ADAMTS12: variants seen among roughly 807,000 people sequenced by gnomAD.
The protein encoded by ADAMTS12 is ADAM metallopeptidase with thrombospondin type 1 motif 12, also known as A disintegrin and metalloproteinase with thrombospondin motifs 12.
Under a neutral mutation model 167.8 loss-of-function variants are expected in ADAMTS12, and 118 were observed. That is an observed-to-expected ratio of 0.70 (90% CI 0.61 to 0.82). The LOEUF is 0.82. Ranked by LOEUF, ADAMTS12 falls within the 40% of genes least tolerant of loss-of-function variation. ADAMTS12 has a pLI of 0.00. For missense variants in ADAMTS12, 1,916 were observed against 1,998.8 expected, an observed-to-expected ratio of 0.96 and a Z score of 0.79; for synonymous variants, 704 against 716.9, an observed-to-expected ratio of 0.98 and a Z score of 0.29.
chr5:33,705,684 C>A (rs1469403045), intron 3 of ADAMTS12, among the ~76,000 whole-genome samples: 1 of 150,850 alleles, frequency 6.6e-6, no homozygotes, highest in Non-Finnish European at 1.5e-5. Context: ...GTGCTGGGCA[C>A]CTGTAGTCCA....
chr5:33,609,693 A>G (rs1377812121), intron 16 of ADAMTS12, among the ~76,000 whole-genome samples: 1 of 152,226 alleles, frequency 6.6e-6, no homozygotes, highest in African/African-American at 2.4e-5. Context: ...AACAAAGTTT[A>G]AAAGACAAGG....
At chr5:33,743,893 T>C (rs751456340) in intron 3 of ADAMTS12, among the ~76,000 whole-genome samples, 1 of 152,162 alleles carries the variant, frequency 6.6e-6, no homozygotes, top group Non-Finnish European at 1.5e-5. Flanking sequence ...CATTCCTCTT[T>C]AGGAGTGAGG....
At chr5:33,737,602 T>C (rs1744418115) in intron 3 of ADAMTS12, among the ~76,000 whole-genome samples, 1 of 152,206 alleles carries the variant, frequency 6.6e-6, no homozygotes, top group South Asian at 2.1e-4. Flanking sequence ...TTTAAAAAAG[T>C]CATTTAATTC....
chr5:33,691,231 C>T (rs905232154), intron 3 of ADAMTS12, among the ~76,000 whole-genome samples: 2 of 152,182 alleles, frequency 1.3e-5, no homozygotes, highest in African/African-American at 4.8e-5. Context: ...TGTGACTCTC[C>T]TACTGGGAAA....
At chr5:33,706,952 A>G (rs949767734) in intron 3 of ADAMTS12, among the ~76,000 whole-genome samples, 11 of 152,216 alleles carry the variant, frequency 7.2e-5, no homozygotes, top group African/African-American at 2.7e-4. Context: ...AGTTCTGGCC[A>G]GGGCAATCAA....
At chr5:33,861,247 G>T (rs1273249811) in intron 2 of ADAMTS12, among the ~76,000 whole-genome samples, 3 of 152,090 alleles carry the variant, frequency 2.0e-5, no homozygotes, top group Non-Finnish European at 4.4e-5. Flanking sequence ...AAATTGGATA[G>T]AGTCAAGACC....
At chr5:33,588,258 G>A (rs576849609) in intron 18 of ADAMTS12, among the ~76,000 whole-genome samples, 6 of 152,178 alleles carry the variant, frequency 3.9e-5, no homozygotes, top group African/African-American at 1.4e-4. Flanking sequence ...CCACTTTTGG[G>A]GTGTGTGGGA....
chr5:33,785,485 A>C (rs943225173), intron 2 of ADAMTS12, among the ~76,000 whole-genome samples: 1 of 152,016 alleles, frequency 6.6e-6, no homozygotes, highest in African/African-American at 2.4e-5. Flanking sequence ...GTGTGTGTGC[A>C]TGTATGCTCA....
chr5:33,610,350 C>T (rs2112081328), intron 16 of ADAMTS12, among the ~76,000 whole-genome samples: 1 of 152,252 alleles, frequency 6.6e-6, no homozygotes, highest in South Asian at 2.1e-4. Context: ...TCAGGAGGTA[C>T]TTGATTTTTT....
chr5:33,752,246 C>G (rs760938460), intron 2 of ADAMTS12, among the ~76,000 whole-genome samples: 1 of 152,178 alleles, frequency 6.6e-6, no homozygotes, highest in Non-Finnish European at 1.5e-5. Flanking sequence ...ACTCTCTTGT[C>G]CTTTTAGGAA....
intron 2 of ADAMTS12, among the ~76,000 whole-genome samples, chr5:33,834,291 G>A (rs1365370267): frequency 6.6e-6 from 1 of 152,160 alleles, no homozygotes; most frequent in Non-Finnish European, 1.5e-5. Context: ...GTCCATAACA[G>A]GGGCCCAATA....
intron 3 of ADAMTS12, among the ~76,000 whole-genome samples, chr5:33,733,998 TACACACACACACACAC>T (rs147754057): frequency 0.031 from 4,324 of 139,466 alleles, 198 homozygotes; most frequent in East Asian, 0.17. Context: ...ACTTCCCCAC[TACACACACACACACAC>T]ACACACACAC....
chr5:33,573,978 CA>C (rs1438594270), intron 19 of ADAMTS12, among the ~76,000 whole-genome samples: 3 of 152,094 alleles, frequency 2.0e-5, no homozygotes, highest in African/African-American at 7.2e-5. Flanking sequence ...TTTATGCAGC[CA>C]AAAGACACAT....
Position 33,577,116 on chromosome 5 carries a change from T to C in ADAMTS12, c.2910A>G (p.Thr970=), listed in dbSNP as rs750865031. ...CGGGVRIRSV[T]CAKNHDEPCD... is the part of the protein sequence containing the mutation. ...AAGGTTCATCATGGTTCTTGGCACA[T>C]GTGACACTGCGAATCCGCACTCCAC... The change falls in exon 19 of 24, where the codon ACA becomes ACG. Residue 970 remains threonine, a synonymous_variant. Coordinates refer to ENST00000504830, the MANE Select transcript of ADAMTS12 (RefSeq NM_030955.4). 1.9e-6 allele frequency: 3 copies of C among 1,614,070 alleles called. No individual in the cohort carries two copies. In the African/African-American group the frequency reaches 4.0e-5, roughly 22 times the overall value.
chr5:33,833,020 T>C (rs917355649), intron 2 of ADAMTS12, among the ~76,000 whole-genome samples: 2 of 152,180 alleles, frequency 1.3e-5, no homozygotes, highest in African/African-American at 4.8e-5. Context: ...TCTCTAGTCA[T>C]TGATCTTCCA....
chr5:33,778,695 C>T (rs1016938527), intron 2 of ADAMTS12, among the ~76,000 whole-genome samples: 7 of 152,016 alleles, frequency 4.6e-5, no homozygotes, highest in African/African-American at 1.7e-4. Flanking sequence ...TGAAAAGCTT[C>T]TGCACAGCAA....
chr5:33,697,907 C>T (rs1314126548), intron 3 of ADAMTS12, among the ~76,000 whole-genome samples: 2 of 152,226 alleles, frequency 1.3e-5, no homozygotes, highest in African/African-American at 4.8e-5. Flanking sequence ...AGGAGGCACC[C>T]CTCTGCGCAA....
intron 2 of ADAMTS12, among the ~76,000 whole-genome samples, chr5:33,778,653 G>A (rs1387435744): frequency 6.6e-6 from 1 of 151,976 alleles, no homozygotes; most frequent in Non-Finnish European, 1.5e-5. Flanking sequence ...AAGCAACAAA[G>A]GTGAAAATAG....
intron 2 of ADAMTS12, among the ~76,000 whole-genome samples, chr5:33,848,486 T>C (rs1739349048): frequency 1.3e-5 from 2 of 152,230 alleles, no homozygotes; most frequent in Admixed American, 6.5e-5. Flanking sequence ...GAAAACTGTC[T>C]GTAGGATGTT....
Sources: gnomAD v4.1 joint callset for allele counts (sites outside exome capture counted in the v4.1 genomes callset) on GRCh38, gnomAD v4.1.1 for gene constraint, MANE v1.5 for transcripts, NCBI Gene and HGNC (gene_info 2026-07-23, HGNC 2026-07-21) for gene names.